FSTL5: variants seen among roughly 807,000 people sequenced by gnomAD.
FSTL5 encodes the protein follistatin-related protein 5.
FSTL5 carries 62 observed loss-of-function variants against 89.1 expected under a neutral mutation model. That is an observed-to-expected ratio of 0.70 (90% confidence interval 0.57 to 0.86). The LOEUF is 0.86. Among genes scored for constraint, FSTL5 ranks in the 40% least tolerant of loss-of-function variants. FSTL5 has a pLI of 0.00. For missense variants in FSTL5, 1,057 were observed against 1,001.6 expected (o/e 1.06, Z -0.75); for synonymous variants, 383 against 346.2 (o/e 1.11, Z -1.18).
intron 1 of FSTL5, among the ~76,000 whole-genome samples, chr4:162,119,435 CTA>C (rs1206495817): frequency 6.6e-6 from 1 of 152,166 alleles, no homozygotes; most frequent in Non-Finnish European, 1.5e-5. Context: ...CATGTGACTG[CTA>C]TGTCCAGATT....
intron 2 of FSTL5, among the ~76,000 whole-genome samples, chr4:162,058,916 C>A (rs1738638775): frequency 6.6e-6 from 1 of 152,062 alleles, no homozygotes; most frequent in Non-Finnish European, 1.5e-5. Context: ...TTCATTATTG[C>A]AGCTAAAACA....
intron 3 of FSTL5, among the ~76,000 whole-genome samples, chr4:161,965,151 C>T (rs1735288323): frequency 6.6e-6 from 1 of 151,942 alleles, no homozygotes; most frequent in Non-Finnish European, 1.5e-5. Context: ...TTTATTATAC[C>T]TTTATATCTC....
At chr4:161,396,939 T>A (rs922396551) in intron 15 of FSTL5, among the ~76,000 whole-genome samples, 3 of 152,138 alleles carry the variant, frequency 2.0e-5, no homozygotes, top group Admixed American at 2.0e-4. Flanking sequence ...TTCTGTGAAC[T>A]AGGGAGTATA....
chr4:161,943,119 A>T (rs1352908367), intron 3 of FSTL5, among the ~76,000 whole-genome samples: 1 of 152,084 alleles, frequency 6.6e-6, no homozygotes, highest in Non-Finnish European at 1.5e-5. Context: ...AATAAATTTA[A>T]ATGAGAAGGT....
chr4:161,947,407 G>A (rs1169426491), intron 3 of FSTL5, among the ~76,000 whole-genome samples: 2 of 152,018 alleles, frequency 1.3e-5, no homozygotes, highest in East Asian at 1.9e-4. Context: ...TACATCTTGA[G>A]TTAATTTTTA....
chr4:162,052,396 TAC>T (rs1215330247), intron 2 of FSTL5, among the ~76,000 whole-genome samples: 1 of 151,708 alleles, frequency 6.6e-6, no homozygotes, highest in Non-Finnish European at 1.5e-5. Context: ...TACTATAACA[TAC>T]AGTCAGAAAG....
chr4:162,137,796 A>G (rs368358679), intron 1 of FSTL5, among the ~76,000 whole-genome samples: 19 of 152,336 alleles, frequency 1.2e-4, no homozygotes, highest in African/African-American at 2.4e-5. Context: ...TAACTATATG[A>G]TACCATTATA....
At chr4:161,516,163 T>C (rs1245716830) in intron 10 of FSTL5, among the ~76,000 whole-genome samples, 1 of 148,858 alleles carries the variant, frequency 6.7e-6, no homozygotes, top group African/African-American at 2.4e-5. Flanking sequence ...TGATATTGAA[T>C]ATATTTGGAA....
At chr4:161,582,707 A>T (rs1733477581) in intron 8 of FSTL5, among the ~76,000 whole-genome samples, 2 of 152,292 alleles carry the variant, frequency 1.3e-5, no homozygotes, top group East Asian at 3.9e-4. Context: ...TACATCAGAA[A>T]CTTTGCAAAT....
At chr4:161,751,956 T>TTA (rs1740407290) in intron 6 of FSTL5, among the ~76,000 whole-genome samples, 1 of 152,170 alleles carries the variant, frequency 6.6e-6, no homozygotes, top group South Asian at 2.1e-4. Flanking sequence ...AGCTATAACA[T>TTA]TATATAACAC....
intron 13 of FSTL5, among the ~76,000 whole-genome samples, chr4:161,463,772 CAT>C (rs1357840196): frequency 6.6e-6 from 1 of 152,194 alleles, no homozygotes; most frequent in Non-Finnish European, 1.5e-5. Flanking sequence ...TGGTTCTCCA[CAT>C]GTTATGCAAA....
intron 13 of FSTL5, among the ~76,000 whole-genome samples, chr4:161,461,505 A>G (rs961404699): frequency 1.4e-5 from 2 of 147,610 alleles, no homozygotes; most frequent in Admixed American, 1.4e-4. Flanking sequence ...AAAACCCAAT[A>G]CTTTGAGGGT....
At chr4:161,558,884 T>C (rs1218157981) in intron 8 of FSTL5, among the ~76,000 whole-genome samples, 5 of 151,880 alleles carry the variant, frequency 3.3e-5, no homozygotes, top group African/African-American at 1.2e-4. Context: ...TATGGCAACA[T>C]ATTTATTATC....
chr4:161,418,077 A>G (rs1731848792), intron 15 of FSTL5, among the ~76,000 whole-genome samples: 1 of 152,164 alleles, frequency 6.6e-6, no homozygotes, highest in South Asian at 2.1e-4. Flanking sequence ...GGGTGGGTTT[A>G]GCTCAATTCA....
At chr4:161,696,026 A>G (rs1167450692) in intron 6 of FSTL5, among the ~76,000 whole-genome samples, 1 of 152,066 alleles carries the variant, frequency 6.6e-6, no homozygotes, top group East Asian at 1.9e-4. Context: ...GTCATGAAAT[A>G]TTTGCCTGAG....
intron 2 of FSTL5, among the ~76,000 whole-genome samples, chr4:162,045,437 A>T (rs1158417863): frequency 6.6e-6 from 1 of 152,110 alleles, no homozygotes; most frequent in Non-Finnish European, 1.5e-5. Flanking sequence ...TCCTGATTTG[A>T]TCATCACAAT....
intron 8 of FSTL5, chr4:161,552,545 T>C (rs1349603888): frequency 6.6e-6 from 1 of 151,776 alleles, no homozygotes; most frequent in African/African-American, 2.4e-5. Flanking sequence ...AATTTCCTCC[T>C]GCATTCCAAG....
intron 7 of FSTL5, among the ~76,000 whole-genome samples, chr4:161,624,867 G>A (rs1401540078): frequency 6.6e-6 from 1 of 152,060 alleles, no homozygotes; most frequent in African/African-American, 2.4e-5. Flanking sequence ...TTTGCTGTAT[G>A]CCAAACTTTA....
rs1316893896 is a variant in FSTL5, at chr4:161,920,745, A to C, written c.161-93T>G. The C allele has an allele frequency of 2.4e-6, 3 of 1,242,030 alleles. No individual in the cohort carries two copies. The African/African-American group carries it at 4.5e-5, about 19-fold the overall frequency. 76.9% of individuals were successfully genotyped at this position (1,242,030 alleles called of 1,614,324 possible). ...TATCAAGTGGAAAACAAGTGTTCTAAGAAAAGTATAGTATAGTGTATTCAG... is the reference window on the plus strand; with the variant it reads ...TATCAAGTGGAAAACAAGTGTTCTACGAAAAGTATAGTATAGTGTATTCAG... On this transcript the variant is annotated intron_variant, in intron 3 of 15. Coordinates refer to ENST00000306100, the MANE Select transcript of FSTL5 (RefSeq NM_020116.5).
Sources: gnomAD v4.1 joint callset for allele counts (sites outside exome capture counted in the v4.1 genomes callset) on GRCh38, gnomAD v4.1.1 for gene constraint, MANE v1.5 for transcripts, NCBI Gene and HGNC (gene_info 2026-07-23, HGNC 2026-07-21) for gene names.